The following AGK variants were observed in gnomAD, a reference collection of about 807,000 sequenced individuals.
AGK encodes the protein acylglycerol kinase, mitochondrial.
In AGK, 52 loss-of-function variants were observed where a neutral mutation model predicts 66.4. The ratio of observed to expected loss-of-function variants is 0.78; its 90% CI spans 0.63 to 0.99. The LOEUF (loss-of-function observed/expected upper bound fraction) is 0.99, where lower values mean the gene tolerates loss of function less well. Ranked by LOEUF, AGK falls within the 50% of genes least tolerant of loss-of-function variation. The pLI is 0.00. For missense variants in AGK, 451 were observed against 506.6 expected, an observed-to-expected ratio of 0.89 and a Z score of 1.05; for synonymous variants, 182 against 181.1, an observed-to-expected ratio of 1.00 and a Z score of -0.04.
At chr7:141,612,776 G>T (rs1019083676) in intron 6 of AGK, among the ~76,000 whole-genome samples, 1 of 152,172 alleles carries the variant, frequency 6.6e-6, no homozygotes, top group Non-Finnish European at 1.5e-5. Context: ...ATGTTACCCT[G>T]CAAGTACTCT....
At chr7:141,621,595 G>GGA (rs150053901) in intron 8 of AGK, 137 bp from the exon 9 acceptor site, 38 of 637,614 alleles carry the variant, frequency 6.0e-5, no homozygotes, top group Admixed American at 8.5e-5. Flanking sequence ...GGAAGGAGGG[G>GGA]GAGAGAGAGA....
intron 2 of AGK, among the ~76,000 whole-genome samples, chr7:141,574,739 G>A (rs1367714224): frequency 1.3e-5 from 2 of 152,210 alleles, no homozygotes; most frequent in East Asian, 1.9e-4. Context: ...AAATTAGAAG[G>A]TACTTGAAGT....
chr7:141,610,900 GA>G (rs1796570772), intron 5 of AGK, among the ~76,000 whole-genome samples: 1 of 152,202 alleles, frequency 6.6e-6, no homozygotes, highest in Non-Finnish European at 1.5e-5. Flanking sequence ...CACTTGACTG[GA>G]AATGATGCCC....
At chr7:141,620,222 G>T (rs780160183) in intron 8 of AGK, among the ~76,000 whole-genome samples, 1 of 152,192 alleles carries the variant, frequency 6.6e-6, no homozygotes, top group African/African-American at 2.4e-5. Flanking sequence ...TTCTTGGGAT[G>T]TTGAAAATGT....
chr7:141,604,835 G>T (rs1479386409), intron 5 of AGK, among the ~76,000 whole-genome samples: 1 of 151,852 alleles, frequency 6.6e-6, no homozygotes, highest in African/African-American at 2.4e-5. Flanking sequence ...GCCTGCCTCG[G>T]CCTCCAATTG....
chr7:141,638,759 A>C (rs1797226220), intron 11 of AGK, among the ~76,000 whole-genome samples: 1 of 152,180 alleles, frequency 6.6e-6, no homozygotes, highest in South Asian at 2.1e-4. Context: ...TGATGTTGGT[A>C]ATACTAGAGT....
Position 141,653,711 on chromosome 7 carries a change from A to G in AGK, c.*787A>G, listed in dbSNP as rs188382958. 1.9e-3 allele frequency: 287 copies of G among 152,324 alleles called. 2 individuals carry two copies. Among genetic ancestry groups the G allele is most frequent in the African/African-American group, 6.6e-3 (274 of 41,564 alleles). The allele number at this position is 152,324 out of a possible 1,614,324, so 9.4% of individuals were successfully genotyped here. On this transcript the variant is annotated 3_prime_UTR_variant, in exon 16 of 16. Transcript: ENST00000649286. ...GTTTTAAAGCAGTAGTCCACAAAGT[A>G]TTCTGCTCATGTGCCCCCAAAAGTA...
intron 3 of AGK, chr7:141,593,651 T>G: frequency 2.6e-6 from 1 of 380,950 alleles, no homozygotes; most frequent in Non-Finnish European, 4.7e-6. Flanking sequence ...CACTGTTATA[T>G]TCCATGAGAT....
At chr7:141,602,127 A>G (rs1587114427) in intron 5 of AGK, among the ~76,000 whole-genome samples, 2 of 151,264 alleles carry the variant, frequency 1.3e-5, no homozygotes, top group South Asian at 4.2e-4. Flanking sequence ...TGAAACTCAC[A>G]GCTAAAACCA....
intron 5 of AGK, among the ~76,000 whole-genome samples, chr7:141,610,264 G>A (rs559294669): frequency 1.3e-5 from 2 of 152,180 alleles, no homozygotes; most frequent in South Asian, 2.1e-4. Flanking sequence ...ACCGCACCTG[G>A]CCCAGATATA....
intron 2 of AGK, chr7:141,562,258 A>T (rs1795366114): frequency 2.3e-6 from 1 of 444,420 alleles, no homozygotes; most frequent in African/African-American, 2.0e-5. Context: ...TTACTCTGTC[A>T]TGAGTTGCGG....
rs191201956 is a variant in AGK at position 141,598,825 on chromosome 7, T to G, written c.221+2184T>G. Among the ~76,000 whole-genome samples the G allele has an allele frequency of 3.3e-5, 5 of 152,322 alleles. No homozygotes were observed. In the East Asian group the frequency reaches 9.6e-4, roughly 29 times the overall value. The stretch of plus-strand genomic sequence containing the variant: ...ACCTGCTAATTTCTGATGAAACTTA[T>G]GGCAATTTGTTTAAGCAATAACCAG... On this transcript the variant is annotated intron_variant, in intron 4 of 15. Transcript: ENST00000649286. The surrounding 1 kb of genome is among the most constrained non-coding windows in gnomAD (Gnocchi z 4.2).
At chr7:141,592,121 A>G (rs768473603) in intron 2 of AGK, among the ~76,000 whole-genome samples, 1 of 152,236 alleles carries the variant, frequency 6.6e-6, no homozygotes, top group Non-Finnish European at 1.5e-5. Flanking sequence ...GGATATGTAT[A>G]TTAGTTTTCT....
At position 141,653,944 on chromosome 7, in the gene AGK, C is replaced by G. The variant is rs960640305; in HGVS notation, c.*1020C>G. On this transcript the variant is annotated 3_prime_UTR_variant, in exon 16 of 16. Coordinates refer to ENST00000649286, the MANE Select transcript of AGK (RefSeq NM_018238.4). The stretch of plus-strand genomic sequence containing the variant: ...CAATTTAAATATCACAACAATTTGA[C>G]ACCCTTCATTCATTTATAAAAATAA... 1.3e-5 allele frequency: 2 copies of G among 152,200 alleles called. No individual in the cohort carries two copies. The highest frequency in any genetic ancestry group is 2.9e-5 in the Non-Finnish European group (2 of 68,044). 9.4% of individuals were successfully genotyped at this position (152,200 alleles called of 1,614,324 possible).
At chr7:141,585,556 G>A (rs1168926952) in intron 2 of AGK, among the ~76,000 whole-genome samples, 1 of 152,168 alleles carries the variant, frequency 6.6e-6, no homozygotes, top group Non-Finnish European at 1.5e-5. Flanking sequence ...GGAAAAGCTG[G>A]TGGTAGAAAT....
At chr7:141,636,883 G>A (rs1015367294) in intron 10 of AGK, 77 bp from the exon 11 acceptor site, 78 of 1,197,680 alleles carry the variant, frequency 6.5e-5, no homozygotes, top group Non-Finnish European at 9.2e-5. Flanking sequence ...CTAATGTATT[G>A]TCTGCCATGA....
intron 2 of AGK, among the ~76,000 whole-genome samples, chr7:141,559,335 A>G (rs915826675): frequency 6.6e-6 from 1 of 151,932 alleles, no homozygotes; most frequent in African/African-American, 2.4e-5. Flanking sequence ...TTCCATATGG[A>G]TATCTAGTTT....
chr7:141,636,049 C>T (rs991427762), intron 10 of AGK, among the ~76,000 whole-genome samples: 2 of 152,136 alleles, frequency 1.3e-5, no homozygotes, highest in Non-Finnish European at 2.9e-5. Flanking sequence ...TATTTTATGC[C>T]GTTTTCTAAT....
At chr7:141,635,217 C>T (rs2117001332) in intron 10 of AGK, among the ~76,000 whole-genome samples, 1 of 152,262 alleles carries the variant, frequency 6.6e-6, no homozygotes, top group Admixed American at 6.5e-5. Context: ...TTTTAAAATT[C>T]TGATTGTTAT....
Sources: allele counts gnomAD v4.1 joint callset (sites outside exome capture counted in the v4.1 genomes callset), GRCh38; gene constraint gnomAD v4.1.1; non-coding constraint Gnocchi (gnomAD v3.1); transcripts MANE v1.5; gene names NCBI Gene and HGNC (gene_info 2026-07-23, HGNC 2026-07-21).